DOT1L: variants seen among roughly 807,000 people sequenced by gnomAD.
DOT1L encodes histone-lysine N-methyltransferase, H3 lysine-79 specific.
Under a neutral mutation model 153.3 loss-of-function variants are expected in DOT1L, and 33 were observed. That is an observed-to-expected ratio of 0.22 (90% CI 0.16 to 0.29). The LOEUF (loss-of-function observed/expected upper bound fraction) is 0.29, where lower values mean the gene tolerates loss of function less well. DOT1L is among the 10% of genes least tolerant of loss of function. The pLI is 1.00. For synonymous variants in DOT1L, 1,135 were observed against 965.1 expected, an observed-to-expected ratio of 1.18 and a Z score of -3.26; for missense variants, 1,847 against 2,119.9, an observed-to-expected ratio of 0.87 and a Z score of 2.53.
intron 16 of DOT1L, 159 bp downstream of exon 16, chr19:2,212,001 C>G: frequency 1.5e-6 from 1 of 652,460 alleles, no homozygotes; most frequent in South Asian, 2.1e-5. Flanking sequence ...CCCGTTTAAA[C>G]CCAAAGAATG....
At chr19:2,178,973 G>T (rs774451286) in intron 1 of DOT1L, among the ~76,000 whole-genome samples, 5 of 152,190 alleles carry the variant, frequency 3.3e-5, no homozygotes, top group Non-Finnish European at 7.3e-5. Flanking sequence ...GGACGGAGCT[G>T]TGGCCTCAGT....
chr19:2,216,179 C>T (rs773946030), intron 19 of DOT1L, 102 bp from the exon 20 acceptor site: 208 of 1,462,410 alleles, frequency 1.4e-4, no homozygotes, highest in Non-Finnish European at 1.7e-4. Flanking sequence ...ACACAAGCAG[C>T]GGGGGTCCTG....
At position 2,207,011 on chromosome 19, in the gene DOT1L, G is replaced by A. The variant is rs532542990; in HGVS notation, c.856+214G>A. 4.6e-5 allele frequency among the ~76,000 whole-genome samples: 7 copies of A among 152,164 alleles called. No individual in the cohort carries two copies. Among genetic ancestry groups the A allele is most frequent in the African/African-American group, 1.2e-4 (5 of 41,426 alleles). On this transcript the variant is annotated intron_variant, in intron 10 of 27. Coordinates refer to ENST00000398665, the MANE Select transcript of DOT1L (RefSeq NM_032482.3). The surrounding 1 kb of genome is among the most constrained non-coding windows in gnomAD (Gnocchi z 4.5). ...ACCCCTGGTCGCGACAACCACACACGTCCCCATAGAGCACTGTGTGCCATG... is the reference window on the plus strand; with the variant it reads ...ACCCCTGGTCGCGACAACCACACACATCCCCATAGAGCACTGTGTGCCATG...
At chr19:2,211,702 C>A in intron 15 of DOT1L, 49 bp from the exon 16 acceptor site, 1 of 1,494,392 alleles carries the variant, frequency 6.7e-7, no homozygotes. Context: ...CCTCTTCCCT[C>A]TCAGTCTCAG....
chr19:2,213,619 G>A lies in DOT1L; in HGVS notation c.1638G>A (p.Leu546=), dbSNP rs372756292. Residue 546 remains leucine (L), a synonymous_variant, in exon 17 of 28, where the codon CTG becomes CTA. Coordinates refer to ENST00000398665, the MANE Select transcript of DOT1L (RefSeq NM_032482.3). ...CQAQKEEIRR[L]FQQKLDELGV... ...CCCAGAAGGAGGAGATCAGGAGGCT[G>A]TTTCAGCAAAAATTGGATGAGGTAG... is the stretch of plus-strand genomic sequence containing the variant. The A allele has an allele frequency of 4.8e-5, 77 of 1,613,688 alleles. No individual in the cohort carries two copies. Among genetic ancestry groups the A allele is most frequent in the Non-Finnish European group, 6.2e-5 (73 of 1,180,004 alleles).
At chr19:2,219,851 C>G (rs1337604197) in intron 22 of DOT1L, among the ~76,000 whole-genome samples, 2 of 152,192 alleles carry the variant, frequency 1.3e-5, no homozygotes, top group East Asian at 3.9e-4. Flanking sequence ...ACAGCTGGAC[C>G]CCGGGACCCC....
Position 2,232,247 on chromosome 19 carries a change from A to G in DOT1L, c.*2455A>G, listed in dbSNP as rs888533852. On this transcript the variant is annotated 3_prime_UTR_variant, in exon 28 of 28. Coordinates refer to ENST00000398665, the MANE Select transcript of DOT1L (RefSeq NM_032482.3). ...AACTAGGATACCCCCTCCTCGGCCC[A>G]TGAGGCACGCACAGTGACTTATTTA... 1.4e-5 allele frequency: 3 copies of G among 215,366 alleles called. No individual in the cohort carries two copies. The highest frequency in any genetic ancestry group is 2.8e-5 in the Non-Finnish European group (3 of 107,142). 13.3% of individuals were successfully genotyped at this position (215,366 alleles called of 1,614,324 possible).
rs1318509485 is a variant in DOT1L, at chr19:2,227,117, C to G, written c.4596C>G (p.Gly1532=). 1 of 1,554,188 alleles carries G rather than the reference C, an allele frequency of 6.4e-7. No individual in the cohort carries two copies. Among genetic ancestry groups the G allele is most frequent in the Non-Finnish European group, 8.6e-7 (1 of 1,157,342 alleles). The change falls in exon 27 of 28, where the codon GGC becomes GGG. Residue 1532 remains glycine, a synonymous_variant. Transcript: ENST00000398665. ...AMGSFSGVAG[G]TVGGN is the part of the protein sequence containing the mutation. Reference sequence around the variant, plus strand: ...GCAGCTTTTCCGGGGTGGCAGGCGGCACAGTTGGAGGTAGGCAGGGCGGCC... The same window carrying G: ...GCAGCTTTTCCGGGGTGGCAGGCGGGACAGTTGGAGGTAGGCAGGGCGGCC...
chr19:2,167,486 C>T (rs2019968516), intron 1 of DOT1L, among the ~76,000 whole-genome samples: 3 of 152,190 alleles, frequency 2.0e-5, no homozygotes, highest in South Asian at 4.1e-4. Context: ...TAGTGGTGGG[C>T]GGGACTGTGC....
intron 8 of DOT1L, among the ~76,000 whole-genome samples, chr19:2,201,968 C>G (rs2023305859): frequency 6.6e-6 from 1 of 152,216 alleles, no homozygotes; most frequent in Non-Finnish European, 1.5e-5. Flanking sequence ...CTGGGTCTGA[C>G]TCACGATGGT....
rs1023572990 is a variant in DOT1L at position 2,193,511 on chromosome 19, G to A, written c.494-178G>A. 6.6e-6 allele frequency among the ~76,000 whole-genome samples: 1 copy of A among 152,220 alleles called. No homozygotes were observed. The highest frequency in any genetic ancestry group is 2.4e-5 in the African/African-American group (1 of 41,464). ...TCCCCTCGTGGGGGCTCTGTCAGGG[G>A]CCTGGTCTCTGGGAAGGATCCTGAG... is the stretch of plus-strand genomic sequence containing the variant. On this transcript the variant is annotated intron_variant, in intron 5 of 27. Transcript: ENST00000398665. The surrounding 1 kb of genome is among the most constrained non-coding windows in gnomAD (Gnocchi z 5.9).
chr19:2,200,648 T>G (rs1257919069), intron 8 of DOT1L, among the ~76,000 whole-genome samples: 1 of 152,070 alleles, frequency 6.6e-6, no homozygotes, highest in Non-Finnish European at 1.5e-5. Context: ...CCCGCCATCC[T>G]CCCTGCTCCC....
chr19:2,216,245 G>A (rs377443329), intron 19 of DOT1L, 36 bp from the exon 20 acceptor site: 66 of 1,531,284 alleles, frequency 4.3e-5, no homozygotes, highest in African/African-American at 3.7e-4. Context: ...GTGGTCCCCC[G>A]GTGGGGCGGG....
In DOT1L at chr19:2,216,422, C is replaced by T. The variant is rs375109653; in HGVS notation, c.2065C>T (p.Arg689Trp). The T allele has an allele frequency of 2.7e-5, 43 of 1,612,406 alleles. No homozygotes were observed. Among genetic ancestry groups the T allele is most frequent in the East Asian group, 4.5e-5 (2 of 44,898 alleles). ...LGRELEPDAS[R>W]LHLELDCTKF... The stretch of plus-strand genomic sequence containing the variant: ...CCGCGAGCTGGAGCCTGACGCCAGC[C>T]GGCTGCACCTGGAGCTGGACTGCAC... Residue 689 changes from arginine to tryptophan, a missense_variant, in exon 20 of 28, where the codon CGG (arginine) becomes TGG (tryptophan). Coordinates refer to ENST00000398665, the MANE Select transcript of DOT1L (RefSeq NM_032482.3).
rs780568743 is a variant in DOT1L, at chr19:2,210,673, C to G, written c.1169C>G (p.Ser390Cys). 6.2e-7 allele frequency: 1 copy of G among 1,613,054 alleles called. No individual in the cohort carries two copies. The highest frequency in any genetic ancestry group is 8.5e-7 in the Non-Finnish European group (1 of 1,179,928). Residue 390 changes from serine (S) to cysteine (C), a missense_variant, in exon 14 of 28, where the codon TCT becomes TGT. Physicochemically the swap from Ser to Cys is moderately radical, Grantham distance 112. This residue lies in a region of DOT1L where 205 missense variants were observed against 203.1 expected (regional missense o/e 1.01). Coordinates refer to ENST00000398665, the MANE Select transcript of DOT1L (RefSeq NM_032482.3). ...GGAGCAGCCACCGTGAAGAAGCCGT[C>G]TCCCTCCAAAGCCCGCAAGAAGAAG... is the stretch of plus-strand genomic sequence containing the variant. The part of the protein sequence containing the change: ...KAGAATVKKP[S>C]PSKARKKKLN...
chr19:2,199,819 G>C, intron 7 of DOT1L, 65 bp from the exon 8 acceptor site: 4 of 1,582,244 alleles, frequency 2.5e-6, no homozygotes, highest in Non-Finnish European at 3.5e-6. Flanking sequence ...TCTTCACAGG[G>C]GCTGGGCGGG....
chr19:2,169,825 A>G (rs916178089), intron 1 of DOT1L, among the ~76,000 whole-genome samples: 6 of 152,130 alleles, frequency 3.9e-5, no homozygotes, highest in Non-Finnish European at 8.8e-5. Context: ...GACAGTGTGA[A>G]TCTACAATTA....
intron 7 of DOT1L, among the ~76,000 whole-genome samples, chr19:2,196,001 G>A (rs1568344633): frequency 1.3e-5 from 2 of 152,216 alleles, no homozygotes; most frequent in South Asian, 2.1e-4. Context: ...CTGTGTGCCC[G>A]CCCGTCTGCC....
chr19:2,225,023 C>T (rs548676794), intron 25 of DOT1L, among the ~76,000 whole-genome samples: 2 of 152,176 alleles, frequency 1.3e-5, no homozygotes, highest in Non-Finnish European at 1.5e-5. Context: ...CCTGAGGCAC[C>T]GAGGTCTGAG....
Sources: allele counts gnomAD v4.1 joint callset (sites outside exome capture counted in the v4.1 genomes callset), GRCh38; gene constraint gnomAD v4.1.1; regional missense constraint gnomAD v4.1.1; non-coding constraint Gnocchi (gnomAD v3.1); transcripts MANE v1.5; gene names NCBI Gene and HGNC (gene_info 2026-07-23, HGNC 2026-07-21).